Variants in PLPP4 observed in about 807,000 individuals in gnomAD.
PLPP4 encodes the protein diacylglycerol pyrophosphate like 2.
Under a neutral mutation model 32.2 loss-of-function variants are expected in PLPP4, and 20 were observed. The ratio of observed to expected loss-of-function variants is 0.62; its 90% CI spans 0.44 to 0.90. The LOEUF (loss-of-function observed/expected upper bound fraction) is 0.90, where lower values mean the gene tolerates loss of function less well. Among genes scored for constraint, PLPP4 ranks in the 40% least tolerant of loss-of-function variants. PLPP4 has a pLI of 0.00. For synonymous variants in PLPP4, 127 were observed against 133.0 expected (o/e 0.95, Z 0.31); for missense variants, 257 against 353.1 (o/e 0.73, Z 2.18).
At chr10:120,530,053 G>A (rs952780228) in intron 5 of PLPP4, among the ~76,000 whole-genome samples, 2 of 152,278 alleles carry the variant, frequency 1.3e-5, no homozygotes, top group Admixed American at 6.5e-5. Flanking sequence ...CTCATCCCCC[G>A]CGGGTACAGC....
intron 1 of PLPP4, among the ~76,000 whole-genome samples, chr10:120,492,548 T>G (rs552809299): frequency 1.5e-3 from 229 of 152,316 alleles, no homozygotes; most frequent in African/African-American, 5.3e-3. Context: ...ATTACCTCAC[T>G]GTTTATTCCT....
chr10:120,583,421 A>G (rs1482024026), intron 6 of PLPP4, among the ~76,000 whole-genome samples: 1 of 151,930 alleles, frequency 6.6e-6, no homozygotes, highest in East Asian at 1.9e-4. Flanking sequence ...TCTGGTGTCA[A>G]TTCTCTCCTC....
intron 1 of PLPP4, among the ~76,000 whole-genome samples, chr10:120,464,090 C>A (rs1381945437): frequency 6.6e-6 from 1 of 152,204 alleles, no homozygotes; most frequent in Non-Finnish European, 1.5e-5. Flanking sequence ...TAGGTGTGAA[C>A]CATTGTGCCT....
intron 6 of PLPP4, among the ~76,000 whole-genome samples, chr10:120,580,115 C>CAAAAAAAAAA (rs10609637): frequency 1.1e-5 from 1 of 91,572 alleles, no homozygotes. Context: ...GCGAGACTCT[C>CAAAAAAAAAA]AAAAAAAAAA....
chr10:120,494,619 G>A (rs1253787403), intron 1 of PLPP4, among the ~76,000 whole-genome samples: 1 of 152,190 alleles, frequency 6.6e-6, no homozygotes, highest in Non-Finnish European at 1.5e-5. Flanking sequence ...GCTGTTCCTG[G>A]TCCAGTCCTG....
At chr10:120,576,738 G>C (rs1849241717) in intron 6 of PLPP4, among the ~76,000 whole-genome samples, 1 of 152,224 alleles carries the variant, frequency 6.6e-6, no homozygotes, top group Non-Finnish European at 1.5e-5. Context: ...TCACAGGTCT[G>C]AACCTGCCCT....
intron 5 of PLPP4, among the ~76,000 whole-genome samples, chr10:120,542,768 C>G (rs938673626): frequency 2.0e-5 from 3 of 152,192 alleles, no homozygotes; most frequent in Admixed American, 6.5e-5. Flanking sequence ...AATCTCTAAA[C>G]CCACTGCAGA....
At chr10:120,562,895 A>G (rs1157265662) in intron 5 of PLPP4, among the ~76,000 whole-genome samples, 1 of 152,228 alleles carries the variant, frequency 6.6e-6, no homozygotes, top group African/African-American at 2.4e-5. Flanking sequence ...ACAGATGTAC[A>G]AAATAGAAAT....
intron 5 of PLPP4, among the ~76,000 whole-genome samples, chr10:120,547,816 C>T (rs1348991391): frequency 2.0e-5 from 3 of 152,140 alleles, no homozygotes; most frequent in Non-Finnish European, 4.4e-5. Flanking sequence ...AACAGAGAGA[C>T]ATGAGTTGAA....
At chr10:120,491,094 G>C (rs1202220035) in intron 1 of PLPP4, among the ~76,000 whole-genome samples, 2 of 152,170 alleles carry the variant, frequency 1.3e-5, no homozygotes, top group Non-Finnish European at 2.9e-5. Context: ...ATTTGGCCAA[G>C]ACAGGAGCCG....
At chr10:120,520,809 T>C (rs575447576) in intron 4 of PLPP4, among the ~76,000 whole-genome samples, 162 bp from the exon 5 acceptor site, 3 of 149,306 alleles carry the variant, frequency 2.0e-5, no homozygotes, top group Non-Finnish European at 3.0e-5. Flanking sequence ...CTGAGCTTTT[T>C]CCCAAACGGC....
At position 120,527,565 on chromosome 10, in the gene PLPP4, A is replaced by G. The variant is rs372990340; in HGVS notation, c.445+6470A>G. On this transcript the variant is annotated intron_variant, in intron 5 of 6. Transcript: ENST00000398250. ...ACTGAACAACTGGCCACCATAGTCT[A>G]GCCAAGTTGACACATAAGGTTACCG... 2.6e-5 allele frequency among the ~76,000 whole-genome samples: 4 copies of G among 152,352 alleles called. No individual in the cohort carries two copies. In the East Asian group the frequency reaches 5.8e-4, roughly 22 times the overall value.
chr10:120,560,076 GC>G (rs1330905177), intron 5 of PLPP4, among the ~76,000 whole-genome samples: 3 of 152,186 alleles, frequency 2.0e-5, no homozygotes, highest in African/African-American at 4.8e-5. Context: ...TTGGCGGTGG[GC>G]CACAGTGAAA....
intron 1 of PLPP4, among the ~76,000 whole-genome samples, chr10:120,480,805 C>T (rs927708327): frequency 6.6e-6 from 1 of 152,226 alleles, no homozygotes; most frequent in East Asian, 1.9e-4. Flanking sequence ...GCTACAACAA[C>T]ACTTTCCCCA....
chr10:120,586,127 CT>C (rs1849741876), intron 6 of PLPP4, among the ~76,000 whole-genome samples: 1 of 99,400 alleles, frequency 1.0e-5, no homozygotes, highest in African/African-American at 3.7e-5. Flanking sequence ...TTTTCTTTTT[CT>C]TTTTTTCTTT....
chr10:120,558,237 G>A (rs1348213971), intron 5 of PLPP4, among the ~76,000 whole-genome samples: 1 of 151,648 alleles, frequency 6.6e-6, no homozygotes, highest in African/African-American at 2.4e-5. Context: ...ACATACACAT[G>A]TATACATTCC....
intron 1 of PLPP4, among the ~76,000 whole-genome samples, chr10:120,499,799 T>A (rs566234133): frequency 6.6e-6 from 1 of 152,254 alleles, no homozygotes; most frequent in East Asian, 1.9e-4. Context: ...GACCACACCT[T>A]CACACCTTCC....
chr10:120,472,687 G>A (rs966550089), intron 1 of PLPP4, among the ~76,000 whole-genome samples: 1 of 151,656 alleles, frequency 6.6e-6, no homozygotes, highest in African/African-American at 2.4e-5. Flanking sequence ...CAATTCTGTT[G>A]CTCCTGTATT....
intron 5 of PLPP4, among the ~76,000 whole-genome samples, chr10:120,531,769 C>G (rs1289264215): frequency 6.6e-6 from 1 of 151,724 alleles, no homozygotes; most frequent in Non-Finnish European, 1.5e-5. Context: ...ACTCTGCATA[C>G]AATTCATTAA....
Sources: allele counts gnomAD v4.1 joint callset (sites outside exome capture counted in the v4.1 genomes callset), GRCh38; gene constraint gnomAD v4.1.1; transcripts MANE v1.5; gene names NCBI Gene and HGNC (gene_info 2026-07-23, HGNC 2026-07-21).